MAST4: variants seen among roughly 807,000 people sequenced by gnomAD.
MAST4 encodes the protein microtubule associated serine/threonine kinase family member 4, also known as microtubule-associated serine/threonine-protein kinase 4.
Under a neutral mutation model 162.7 loss-of-function variants are expected in MAST4, and 89 were observed. The ratio of observed to expected loss-of-function variants is 0.55; its 90% CI spans 0.46 to 0.65. The LOEUF is 0.65. Ranked by LOEUF, MAST4 falls within the 30% of genes least tolerant of loss-of-function variation. MAST4 has a pLI of 0.00. For synonymous variants in MAST4, 1,479 were observed against 1,361.1 expected (o/e 1.09, Z -1.91); for missense variants, 3,153 against 3,374.0 (o/e 0.93, Z 1.62).
chr5:66,683,400 G>A (rs1748449204), intron 1 of MAST4, among the ~76,000 whole-genome samples: 1 of 152,110 alleles, frequency 6.6e-6, no homozygotes. Flanking sequence ...GGTACATGTA[G>A]TGGTGTTTCC....
chr5:66,667,008 A>G (rs1358307509), intron 1 of MAST4, among the ~76,000 whole-genome samples: 1 of 152,160 alleles, frequency 6.6e-6, no homozygotes, highest in African/African-American at 2.4e-5. Context: ...GAGCTGCAGG[A>G]TGAGGAGGCG....
At chr5:67,097,854 T>C (rs903707715) in intron 7 of MAST4, among the ~76,000 whole-genome samples, 3 of 152,120 alleles carry the variant, frequency 2.0e-5, no homozygotes, top group African/African-American at 7.2e-5. Flanking sequence ...TTTTTCTCCT[T>C]ATTGATTGTT....
intron 3 of MAST4, among the ~76,000 whole-genome samples, chr5:66,816,640 C>T (rs1180481901): frequency 6.6e-6 from 1 of 152,080 alleles, no homozygotes; most frequent in East Asian, 1.9e-4. Flanking sequence ...CTTTAGGAGC[C>T]AGGCCCACTG....
In MAST4 at chr5:67,167,094, C is replaced by A. The variant is rs757216050; in HGVS notation, c.*43C>A. 2 of 1,486,806 alleles carry A rather than the reference C, an allele frequency of 1.3e-6. No individual in the cohort carries two copies. The highest frequency in any genetic ancestry group is 1.8e-6 in the Non-Finnish European group (2 of 1,112,152). The allele number at this position is 1,486,806 out of a possible 1,614,324, so 92.1% of individuals were successfully genotyped here. A position where few individuals can be genotyped will look rare whatever the true frequency, so the allele number is the denominator to read the frequency against. On this transcript the variant is annotated 3_prime_UTR_variant, in exon 29 of 29. Coordinates refer to ENST00000403625, the MANE Select transcript of MAST4 (RefSeq NM_001164664.2). ...CAGGACTGTGGAGACCCGTCCTGAA[C>A]GGGCGACTGTGTCTTGACTACCTTT...
intron 1 of MAST4, among the ~76,000 whole-genome samples, chr5:66,654,861 G>A (rs1356677002): frequency 6.6e-6 from 1 of 152,126 alleles, no homozygotes; most frequent in East Asian, 1.9e-4. Flanking sequence ...TGGCCAACAA[G>A]TGAATGCATC....
chr5:66,710,705 C>T (rs557836327), intron 1 of MAST4, among the ~76,000 whole-genome samples: 26 of 152,192 alleles, frequency 1.7e-4, no homozygotes, highest in Non-Finnish European at 2.9e-4. Context: ...GTGGACCCGC[C>T]GTCTGGGTTG....
intron 1 of MAST4, among the ~76,000 whole-genome samples, chr5:66,702,224 C>T (rs1561273024): frequency 6.6e-6 from 1 of 152,146 alleles, no homozygotes; most frequent in East Asian, 1.9e-4. Flanking sequence ...AGCAGAGGAT[C>T]CTCATCCCAG....
chr5:66,902,441 TC>T (rs763164404), intron 4 of MAST4, among the ~76,000 whole-genome samples: 1 of 152,190 alleles, frequency 6.6e-6, no homozygotes, highest in Non-Finnish European at 1.5e-5. Flanking sequence ...AACTTTTATA[TC>T]CAGAATCATG....
intron 1 of MAST4, among the ~76,000 whole-genome samples, chr5:66,645,918 A>G (rs1019880892): frequency 3.3e-5 from 5 of 151,442 alleles, no homozygotes; most frequent in Admixed American, 6.6e-5. Context: ...AATTTTTTCC[A>G]TCTTTGGTTT....
intron 1 of MAST4, among the ~76,000 whole-genome samples, chr5:66,703,666 AGTT>A (rs891358898): frequency 9.2e-5 from 14 of 152,212 alleles, no homozygotes; most frequent in African/African-American, 3.4e-4. Context: ...AAACATACAG[AGTT>A]GTTGCCCTCA....
intron 3 of MAST4, among the ~76,000 whole-genome samples, chr5:66,866,707 TG>T (rs987996188): frequency 1.3e-5 from 2 of 152,190 alleles, no homozygotes; most frequent in African/African-American, 4.8e-5. Context: ...TCTCTGAAAA[TG>T]CATGTGATTC....
chr5:66,759,701 T>A lies in MAST4; in HGVS notation c.364-8T>A. The A allele has an allele frequency of 6.2e-7, 1 of 1,613,644 alleles. No homozygotes were observed. The highest frequency in any genetic ancestry group is 8.5e-7 in the Non-Finnish European group (1 of 1,179,658). Reference sequence around the variant, plus strand: ...TAGCCAGTGATGCCATTCTTCCTCTTTCTGCAGCTTGACCACATATTATCC... The same window carrying A: ...TAGCCAGTGATGCCATTCTTCCTCTATCTGCAGCTTGACCACATATTATCC... On this transcript the variant is annotated splice_region_variant and splice_polypyrimidine_tract_variant and intron_variant, in intron 1 of 28. Transcript: ENST00000403625.
intron 3 of MAST4, among the ~76,000 whole-genome samples, chr5:66,872,907 T>G (rs999092927): frequency 2.6e-5 from 4 of 152,324 alleles, no homozygotes; most frequent in African/African-American, 9.6e-5. Context: ...CTCTTTCTTT[T>G]GTCCTGTATT....
At chr5:66,837,023 C>CGTGTGT (rs544483226) in intron 3 of MAST4, among the ~76,000 whole-genome samples, 32,032 of 144,632 alleles carry the variant, frequency 0.22, 4,522 homozygotes, top group Non-Finnish European at 0.31. Flanking sequence ...CATGCAGGAT[C>CGTGTGT]ATGTGTGTGT....
At chr5:66,846,209 G>T (rs1758843811) in intron 3 of MAST4, among the ~76,000 whole-genome samples, 1 of 152,156 alleles carries the variant, frequency 6.6e-6, no homozygotes, top group Non-Finnish European at 1.5e-5. Flanking sequence ...TCTGAAGCAG[G>T]CCAGACTGAT....
chr5:67,104,464 C>T lies in MAST4; in HGVS notation c.1245C>T (p.His415=), dbSNP rs1765371721. Residue 415 remains histidine (H), a synonymous_variant, in exon 10 of 29, where the codon CAC becomes CAT. Coordinates refer to ENST00000403625, the MANE Select transcript of MAST4 (RefSeq NM_001164664.2). ...CAGATGGAGTGCTTAGTTTCACTCACCACCAGATTATTGAACTGGCTCGAG... is the reference window on the plus strand; with the variant it reads ...CAGATGGAGTGCTTAGTTTCACTCATCACCAGATTATTGAACTGGCTCGAG... ...PLADGVLSFT[H]HQIIELARDC... 6.2e-7 allele frequency: 1 copy of T among 1,613,532 alleles called. No individual in the cohort carries two copies. Among genetic ancestry groups the T allele is most frequent in the African/African-American group, 1.3e-5 (1 of 74,922 alleles).
chr5:66,836,862 AG>A (rs2149774882), intron 3 of MAST4, among the ~76,000 whole-genome samples: 1 of 152,276 alleles, frequency 6.6e-6, no homozygotes, highest in South Asian at 2.1e-4. Context: ...GGGTTATGGA[AG>A]AATCTGTACA....
chr5:66,797,015 G>A (rs1337896868), intron 3 of MAST4, among the ~76,000 whole-genome samples: 3 of 152,122 alleles, frequency 2.0e-5, no homozygotes, highest in East Asian at 1.9e-4. Context: ...ACTGGTTTCC[G>A]TGTCTGAGGA....
intron 26 of MAST4, among the ~76,000 whole-genome samples, chr5:67,158,557 G>A (rs541456104): frequency 6.6e-6 from 1 of 151,616 alleles, no homozygotes; most frequent in South Asian, 2.1e-4. Context: ...GGCAATAGAG[G>A]AAGACCCCAT....
Sources: allele counts gnomAD v4.1 joint callset (sites outside exome capture counted in the v4.1 genomes callset), GRCh38; gene constraint gnomAD v4.1.1; transcripts MANE v1.5; gene names NCBI Gene and HGNC (gene_info 2026-07-23, HGNC 2026-07-21).